The following MARCHF3 variants were observed in gnomAD, a reference collection of about 807,000 sequenced individuals.
The protein encoded by MARCHF3 is membrane associated ring-CH-type finger 3.
A neutral mutation model predicts 24.2 loss-of-function variants in MARCHF3; 13 were observed. The ratio of observed to expected loss-of-function variants is 0.54; its 90% CI spans 0.35 to 0.85. The LOEUF is 0.85. MARCHF3 is among the 40% of genes least tolerant of loss of function. The pLI is 0.01. For synonymous variants in MARCHF3, 144 were observed against 137.3 expected (o/e 1.05, Z -0.34); for missense variants, 276 against 325.0 (o/e 0.85, Z 1.16).
intron 1 of MARCHF3, among the ~76,000 whole-genome samples, chr5:127,020,357 G>C (rs1752755265): frequency 6.6e-6 from 1 of 152,204 alleles, no homozygotes; most frequent in African/African-American, 2.4e-5. Context: ...AAGCACTCCA[G>C]AGAAGAGGTG....
At chr5:126,883,857 C>T (rs1052561550) in intron 3 of MARCHF3, among the ~76,000 whole-genome samples, 2 of 152,066 alleles carry the variant, frequency 1.3e-5, no homozygotes, top group African/African-American at 2.4e-5. Flanking sequence ...TAGCTCTGAT[C>T]GATAACAACC....
At chr5:126,893,710 G>C (rs1454325996) in intron 3 of MARCHF3, among the ~76,000 whole-genome samples, 1 of 129,248 alleles carries the variant, frequency 7.7e-6, no homozygotes, top group Non-Finnish European at 1.6e-5. Context: ...TTACTTCCAA[G>C]TATGTGGTCA....
At chr5:126,931,139 C>T (rs926115319) in intron 1 of MARCHF3, among the ~76,000 whole-genome samples, 1 of 152,184 alleles carries the variant, frequency 6.6e-6, no homozygotes, top group Admixed American at 6.5e-5. Flanking sequence ...GTTCTGCAGA[C>T]ACCAGTGTGG....
intron 1 of MARCHF3, among the ~76,000 whole-genome samples, chr5:126,974,180 A>T (rs1751116751): frequency 6.6e-6 from 1 of 151,816 alleles, no homozygotes; most frequent in Non-Finnish European, 1.5e-5. Context: ...TACAGGCGTG[A>T]GCCACCGCGC....
intron 4 of MARCHF3, among the ~76,000 whole-genome samples, chr5:126,874,615 G>C (rs1465159837): frequency 6.6e-6 from 1 of 151,542 alleles, no homozygotes; most frequent in African/African-American, 2.4e-5. Flanking sequence ...GTCACAGAAG[G>C]CTTTGGGATA....
chr5:126,923,384 A>C (rs2126799038), intron 1 of MARCHF3, among the ~76,000 whole-genome samples: 1 of 152,330 alleles, frequency 6.6e-6, no homozygotes, highest in East Asian at 1.9e-4. Context: ...GGAGGTCAAG[A>C]AGTGGGAGAA....
chr5:126,997,579 C>T (rs118011992), intron 1 of MARCHF3, among the ~76,000 whole-genome samples: 1 of 152,256 alleles, frequency 6.6e-6, no homozygotes, highest in East Asian at 1.9e-4. Flanking sequence ...ACCCCAAGGT[C>T]GAAAGGACTG....
At chr5:126,871,481 C>A (rs1561770721) in intron 4 of MARCHF3, among the ~76,000 whole-genome samples, 1 of 152,198 alleles carries the variant, frequency 6.6e-6, no homozygotes, top group Non-Finnish European at 1.5e-5. Flanking sequence ...TCAAGCTTAC[C>A]CACATGGCAC....
At chr5:126,932,833 A>G (rs570855472) in intron 1 of MARCHF3, among the ~76,000 whole-genome samples, 2 of 152,288 alleles carry the variant, frequency 1.3e-5, no homozygotes, top group South Asian at 4.2e-4. Context: ...TTGGCTCCAG[A>G]ATGAGGTAGC....
chr5:126,920,306 G>A (rs1303446443), intron 1 of MARCHF3, among the ~76,000 whole-genome samples: 2 of 152,062 alleles, frequency 1.3e-5, no homozygotes, highest in Non-Finnish European at 2.9e-5. Flanking sequence ...TTAAAAGACC[G>A]TCCTCTTCTA....
intron 1 of MARCHF3, among the ~76,000 whole-genome samples, chr5:126,944,904 C>T (rs1005164616): frequency 6.6e-6 from 1 of 152,118 alleles, no homozygotes; most frequent in Non-Finnish European, 1.5e-5. Context: ...TTACATATAG[C>T]CCTTATCCTT....
At chr5:126,928,729 T>C (rs1749381099) in intron 1 of MARCHF3, among the ~76,000 whole-genome samples, 1 of 152,330 alleles carries the variant, frequency 6.6e-6, no homozygotes, top group African/African-American at 2.4e-5. Flanking sequence ...CCTTTGTTCA[T>C]AAAAATTATT....
chr5:126,996,890 C>T (rs969196033), intron 1 of MARCHF3, among the ~76,000 whole-genome samples: 6 of 152,128 alleles, frequency 3.9e-5, no homozygotes, highest in African/African-American at 1.4e-4. Flanking sequence ...ATGTAATAGG[C>T]TCCCATTTAT....
At chr5:126,885,240 G>A (rs1160849561) in intron 3 of MARCHF3, among the ~76,000 whole-genome samples, 3 of 152,104 alleles carry the variant, frequency 2.0e-5, no homozygotes, top group African/African-American at 7.2e-5. Context: ...CTTGATCTAA[G>A]AACAGCACTG....
At chr5:126,940,329 T>G (rs1415264453) in intron 1 of MARCHF3, among the ~76,000 whole-genome samples, 2 of 152,230 alleles carry the variant, frequency 1.3e-5, no homozygotes, top group African/African-American at 4.8e-5. Flanking sequence ...AGATCATGCT[T>G]ATTTATCTCC....
At chr5:126,969,977 T>C (rs1220663702) in intron 1 of MARCHF3, among the ~76,000 whole-genome samples, 1 of 152,236 alleles carries the variant, frequency 6.6e-6, no homozygotes, top group African/African-American at 2.4e-5. Context: ...AATAATCTAC[T>C]GAGAAATTCA....
At chr5:126,884,623 AG>A (rs922938525) in intron 3 of MARCHF3, among the ~76,000 whole-genome samples, 1 of 152,208 alleles carries the variant, frequency 6.6e-6, no homozygotes, top group African/African-American at 2.4e-5. Context: ...CCTGTCACTT[AG>A]TCATCCTGTT....
intron 1 of MARCHF3, among the ~76,000 whole-genome samples, chr5:126,939,791 T>A (rs1471281233): frequency 6.6e-6 from 1 of 152,204 alleles, no homozygotes; most frequent in African/African-American, 2.4e-5. Context: ...CACATTTTCA[T>A]CTACCAATCA....
intron 1 of MARCHF3, among the ~76,000 whole-genome samples, chr5:126,979,404 G>T (rs1044467054): frequency 6.6e-6 from 1 of 152,182 alleles, no homozygotes; most frequent in Non-Finnish European, 1.5e-5. Context: ...GATAGGTGAG[G>T]AAAACGAAGT....
Sources: allele counts gnomAD v4.1 joint callset (sites outside exome capture counted in the v4.1 genomes callset), GRCh38; gene constraint gnomAD v4.1.1; transcripts MANE v1.5; gene names NCBI Gene and HGNC (gene_info 2026-07-23, HGNC 2026-07-21).